Variants in CCDC102B observed in about 807,000 individuals in gnomAD.
CCDC102B encodes the protein coiled-coil domain-containing protein 102B.
CCDC102B carries 75 observed loss-of-function variants against 57.4 expected under a neutral mutation model. The observed-to-expected ratio is 1.31, with a 90% CI of 1.08 to 1.58. CCDC102B has a LOEUF of 1.58. Ranked by LOEUF, CCDC102B falls within the 40% of genes most tolerant of loss-of-function variation. The pLI is 0.00. For synonymous variants in CCDC102B, 206 were observed against 201.9 expected, an observed-to-expected ratio of 1.02 and a Z score of -0.17; for missense variants, 636 against 582.6, an observed-to-expected ratio of 1.09 and a Z score of -0.94.
intron 7 of CCDC102B, among the ~76,000 whole-genome samples, chr18:69,014,712 G>T (rs779557621): frequency 6.5e-4 from 99 of 151,432 alleles, no homozygotes; most frequent in Middle Eastern, 3.4e-3. Flanking sequence ...TTTTTTTTGT[G>T]TGTGTGTGTG....
intron 2 of CCDC102B, among the ~76,000 whole-genome samples, chr18:68,790,644 C>A (rs1022565462): frequency 2.6e-5 from 4 of 152,058 alleles, no homozygotes; most frequent in Non-Finnish European, 5.9e-5. Context: ...ACTCCCTGAC[C>A]CCTTGCGCTT....
At chr18:68,918,204 T>C (rs773329029) in intron 6 of CCDC102B, among the ~76,000 whole-genome samples, 4 of 152,212 alleles carry the variant, frequency 2.6e-5, no homozygotes, top group Non-Finnish European at 4.4e-5. Flanking sequence ...ATCTCAACTT[T>C]ATCAAGGCAA....
At chr18:69,020,287 G>T (rs961275674) in intron 7 of CCDC102B, among the ~76,000 whole-genome samples, 1 of 152,076 alleles carries the variant, frequency 6.6e-6, no homozygotes, top group Non-Finnish European at 1.5e-5. Flanking sequence ...GTAAGAGGAA[G>T]AAGAATCACC....
rs1889533220 is a variant in CCDC102B, at chr18:69,011,063, G to A, written c.1393G>A (p.Val465Met). Residue 465 changes from valine (V) to methionine (M), a missense_variant, in exon 7 of 8, where the codon GTG becomes ATG. Physicochemically the swap from Val to Met is conservative, Grantham distance 21 (BLOSUM62 1). Transcript: ENST00000360242. ...AGAAGTAAAGAAACTAAGATTACGA[G>A]TGGAAGAACTAAAGCAGGGACTCAA... ...EAEVKKLRLRVEELKQGLNQK... is the reference protein window; with the variant it reads ...EAEVKKLRLRMEELKQGLNQK... 6.2e-7 allele frequency: 1 copy of A among 1,613,770 alleles called. No individual in the cohort carries two copies. Among genetic ancestry groups the A allele is most frequent in the African/African-American group, 1.3e-5 (1 of 74,936 alleles).
At chr18:68,838,419 T>G in intron 2 of CCDC102B, 2 of 985,322 alleles carry the variant, frequency 2.0e-6, no homozygotes, top group Non-Finnish European at 2.4e-6. Flanking sequence ...GCTGTTCAAG[T>G]TTGTGCAGAG....
chr18:68,871,102 G>T (rs1486827424), intron 4 of CCDC102B, among the ~76,000 whole-genome samples: 1 of 151,962 alleles, frequency 6.6e-6, no homozygotes. Context: ...CAAATTGCCT[G>T]GTTTAAATTT....
chr18:68,925,445 T>G (rs1273469533), intron 6 of CCDC102B, among the ~76,000 whole-genome samples: 8 of 152,004 alleles, frequency 5.3e-5, no homozygotes, highest in East Asian at 1.9e-4. Context: ...TCTCTCCTTG[T>G]CATGTCCTCC....
Position 68,848,628 on chromosome 18 carries a change from T to A in CCDC102B, c.936+2207T>A, listed in dbSNP as rs566016850. Reference sequence around the variant, plus strand: ...AGACAATGCATAGTAGAGGTAATTATATCCAAAGTGCTGTTTCCATGCTGA... The same window carrying A: ...AGACAATGCATAGTAGAGGTAATTAAATCCAAAGTGCTGTTTCCATGCTGA... On this transcript the variant is annotated intron_variant, in intron 4 of 7. Coordinates refer to ENST00000360242, the MANE Select transcript of CCDC102B (RefSeq NM_024781.3). 3.3e-5 allele frequency among the ~76,000 whole-genome samples: 5 copies of A among 152,160 alleles called. No homozygotes were observed. In the South Asian group the frequency reaches 1.0e-3, roughly 32 times the overall value.
intron 5 of CCDC102B, among the ~76,000 whole-genome samples, chr18:68,883,005 G>T (rs1367491213): frequency 2.0e-5 from 3 of 152,064 alleles, no homozygotes; most frequent in African/African-American, 7.2e-5. Flanking sequence ...GAGAGGATCA[G>T]GAAAAAACAA....
intron 6 of CCDC102B, among the ~76,000 whole-genome samples, chr18:68,899,425 C>CTATATATATA (rs142222036): frequency 6.8e-6 from 1 of 146,788 alleles, no homozygotes; most frequent in East Asian, 2.0e-4. Context: ...TACCATGGTG[C>CTATATATATA]TATATATATA....
At chr18:69,041,458 A>T (rs966730993) in intron 7 of CCDC102B, among the ~76,000 whole-genome samples, 1 of 152,026 alleles carries the variant, frequency 6.6e-6, no homozygotes, top group Non-Finnish European at 1.5e-5. Flanking sequence ...TGCTCCCATG[A>T]TCTTTTCCTA....
At chr18:69,007,732 C>T (rs2051390976) in intron 6 of CCDC102B, among the ~76,000 whole-genome samples, 2 of 152,200 alleles carry the variant, frequency 1.3e-5, no homozygotes. Context: ...ATACATACCT[C>T]CTAGGCCTGA....
chr18:68,799,094 T>TA (rs1301286400), intron 1 of CCDC102B, among the ~76,000 whole-genome samples: 1 of 152,072 alleles, frequency 6.6e-6, no homozygotes, highest in Admixed American at 6.6e-5. Flanking sequence ...ATGGTGTTAT[T>TA]ACAACTTTTG....
intron 7 of CCDC102B, among the ~76,000 whole-genome samples, chr18:69,016,899 A>T (rs779653852): frequency 6.6e-6 from 1 of 152,164 alleles, no homozygotes; most frequent in Non-Finnish European, 1.5e-5. Context: ...TACAGTATAT[A>T]TTAGCAATCT....
At chr18:68,897,563 T>C (rs539089195) in intron 6 of CCDC102B, 135 bp downstream of exon 6, 2 of 1,571,422 alleles carry the variant, frequency 1.3e-6, no homozygotes, top group East Asian at 4.5e-5. Context: ...TACTCCTTGC[T>C]CTTTTGCCCA....
At position 69,054,703 on chromosome 18, in the gene CCDC102B, T is replaced by C. The variant is rs1248195945; in HGVS notation, c.*566T>C. On this transcript the variant is annotated 3_prime_UTR_variant, in exon 8 of 8. Transcript: ENST00000360242. ...TGAGCAGATGAATCAGAAAAAAGTG[T>C]TTTGTATTTTAAAGTAACAGATAAC... is the stretch of plus-strand genomic sequence containing the variant. 1.0e-6 allele frequency: 1 copy of C among 984,376 alleles called. No individual in the cohort carries two copies. The highest frequency in any genetic ancestry group is 1.7e-5 in the African/African-American group (1 of 57,186). The allele number at this position is 984,376 out of a possible 1,614,324, so 61.0% of individuals were successfully genotyped here.
intron 6 of CCDC102B, among the ~76,000 whole-genome samples, chr18:68,926,275 G>A (rs1449960023): frequency 4.6e-5 from 7 of 151,798 alleles, no homozygotes; most frequent in Non-Finnish European, 1.0e-4. Context: ...ATCAAATATA[G>A]TTTAATCAAA....
At chr18:68,822,036 G>T (rs2036711093) in intron 1 of CCDC102B, among the ~76,000 whole-genome samples, 2 of 151,998 alleles carry the variant, frequency 1.3e-5, no homozygotes, top group African/African-American at 4.8e-5. Flanking sequence ...TTATAAATTG[G>T]AATACTTTCT....
intron 1 of CCDC102B, among the ~76,000 whole-genome samples, chr18:68,830,180 A>G (rs1695426805): frequency 6.6e-6 from 1 of 151,996 alleles, no homozygotes; most frequent in Non-Finnish European, 1.5e-5. Flanking sequence ...GTTCTACAAG[A>G]TGATGTTTAC....
Sources: gnomAD v4.1 joint callset for allele counts (sites outside exome capture counted in the v4.1 genomes callset) on GRCh38, gnomAD v4.1.1 for gene constraint, MANE v1.5 for transcripts, NCBI Gene and HGNC (gene_info 2026-07-23, HGNC 2026-07-21) for gene names.